Variants in GPR160 observed in about 807,000 individuals in gnomAD.
The protein encoded by GPR160 is G protein-coupled receptor 160.
Under a neutral mutation model 2.6 loss-of-function variants are expected in GPR160, and 2 were observed. The ratio of observed to expected loss-of-function variants is 0.77; its 90% CI spans 0.32 to 2.44. GPR160 has a LOEUF of 2.44. Ranked by LOEUF, GPR160 falls within the 30% of genes most tolerant of loss-of-function variation. The probability of loss-of-function intolerance (pLI) is 0.11; values close to 1 mark genes in which losing one functional copy is unlikely to be tolerated. For missense variants in GPR160, 351 were observed against 383.6 expected (o/e 0.91, Z 0.71); for synonymous variants, 130 against 132.2 (o/e 0.98, Z 0.12).
intron 2 of GPR160, among the ~76,000 whole-genome samples, chr3:170,052,036 C>CT (rs1475538974): frequency 6.6e-6 from 1 of 152,212 alleles, no homozygotes; most frequent in Non-Finnish European, 1.5e-5. Flanking sequence ...AGTGATTCCC[C>CT]TGCCTCAGCC....
intron 2 of GPR160, among the ~76,000 whole-genome samples, chr3:170,042,817 ACTCT>A (rs955247125): frequency 1.4e-5 from 2 of 139,776 alleles, no homozygotes; most frequent in African/African-American, 2.7e-5. Flanking sequence ...ATAGGGCAAG[ACTCT>A]CTCTCTTAAA....
At chr3:170,043,880 G>A (rs1028359397) in intron 2 of GPR160, among the ~76,000 whole-genome samples, 4 of 151,834 alleles carry the variant, frequency 2.6e-5, no homozygotes, top group Non-Finnish European at 5.9e-5. Context: ...CAATACTAGA[G>A]CAGCTGCCTC....
At chr3:170,067,133 T>A (rs946309143) in intron 2 of GPR160, among the ~76,000 whole-genome samples, 1 of 152,210 alleles carries the variant, frequency 6.6e-6, no homozygotes, top group African/African-American at 2.4e-5. Context: ...ACCTCCCAAG[T>A]AGCTGGGACT....
intron 2 of GPR160, among the ~76,000 whole-genome samples, chr3:170,079,077 A>AC (rs757713856): frequency 1.3e-5 from 2 of 152,218 alleles, no homozygotes; most frequent in African/African-American, 2.4e-5. Context: ...GAAAGGGGGG[A>AC]CAGTAATGTT....
chr3:170,065,512 A>T (rs1712279650), intron 2 of GPR160, among the ~76,000 whole-genome samples: 1 of 152,226 alleles, frequency 6.6e-6, no homozygotes, highest in Admixed American at 6.5e-5. Context: ...CCTGGACCGC[A>T]TGTATTGCTC....
chr3:170,041,571 C>T (rs1263424273), intron 2 of GPR160, among the ~76,000 whole-genome samples: 2 of 152,164 alleles, frequency 1.3e-5, no homozygotes, highest in Non-Finnish European at 2.9e-5. Context: ...TGAGCCATCG[C>T]GCCCGGCCGT....
intron 2 of GPR160, among the ~76,000 whole-genome samples, chr3:170,050,520 C>A (rs192967425): frequency 1.3e-5 from 2 of 152,004 alleles, no homozygotes; most frequent in South Asian, 4.1e-4. Flanking sequence ...AATTCTCCTG[C>A]CTCAGCCTCC....
At chr3:170,045,443 A>AAAAAAC (rs1559981277) in intron 2 of GPR160, among the ~76,000 whole-genome samples, 3 of 131,472 alleles carry the variant, frequency 2.3e-5, no homozygotes, top group African/African-American at 1.0e-4. Context: ...AAAAAAAAAA[A>AAAAAAC]AAAACCAATT....
At chr3:170,082,261 TATC>T (rs1713172064) in intron 3 of GPR160, among the ~76,000 whole-genome samples, 1 of 152,244 alleles carries the variant, frequency 6.6e-6, no homozygotes, top group Non-Finnish European at 1.5e-5. Flanking sequence ...TGTGAAAATT[TATC>T]ATGACATTAT....
At chr3:170,068,828 C>G (rs1434266631) in intron 2 of GPR160, among the ~76,000 whole-genome samples, 3 of 152,036 alleles carry the variant, frequency 2.0e-5, no homozygotes, top group African/African-American at 7.2e-5. Flanking sequence ...GTTTAACTTT[C>G]AATACTAGAG....
chr3:170,053,010 C>G (rs1717024848), intron 2 of GPR160, among the ~76,000 whole-genome samples: 1 of 152,088 alleles, frequency 6.6e-6, no homozygotes, highest in African/African-American at 2.4e-5. Flanking sequence ...TCTTATAAAT[C>G]AAGTGGACTG....
At chr3:170,066,295 C>T (rs917003081) in intron 2 of GPR160, among the ~76,000 whole-genome samples, 1 of 151,718 alleles carries the variant, frequency 6.6e-6, no homozygotes, top group Non-Finnish European at 1.5e-5. Context: ...CGCCCATCAC[C>T]ACGCCCGGCT....
intron 2 of GPR160, among the ~76,000 whole-genome samples, chr3:170,053,450 T>C (rs1212719522): frequency 6.6e-6 from 1 of 152,208 alleles, no homozygotes; most frequent in Non-Finnish European, 1.5e-5. Context: ...GTTTTAAAAA[T>C]TGACCTGTGA....
intron 2 of GPR160, among the ~76,000 whole-genome samples, chr3:170,045,029 T>C (rs1481274126): frequency 6.6e-6 from 1 of 152,182 alleles, no homozygotes; most frequent in African/African-American, 2.4e-5. Context: ...TCATGACAGT[T>C]GAAGTTTCTC....
At chr3:170,048,632 G>C (rs1394833455) in intron 2 of GPR160, among the ~76,000 whole-genome samples, 1 of 152,168 alleles carries the variant, frequency 6.6e-6, no homozygotes, top group African/African-American at 2.4e-5. Context: ...GTAAAAATAA[G>C]TACTGAGTCA....
intron 2 of GPR160, among the ~76,000 whole-genome samples, chr3:170,066,240 A>G (rs984431052): frequency 7.5e-6 from 1 of 133,884 alleles, no homozygotes; most frequent in African/African-American, 2.9e-5. Flanking sequence ...TCCCGGGTTC[A>G]CGCCATTCTC....
intron 2 of GPR160, among the ~76,000 whole-genome samples, chr3:170,071,067 C>A (rs544190019): frequency 6.8e-6 from 1 of 147,718 alleles, no homozygotes; most frequent in Non-Finnish European, 1.5e-5. Flanking sequence ...CATAGGGATT[C>A]GTTTTTCTGT....
intron 2 of GPR160, among the ~76,000 whole-genome samples, chr3:170,073,581 T>C (rs1458590351): frequency 6.6e-6 from 1 of 152,230 alleles, no homozygotes; most frequent in African/African-American, 2.4e-5. Context: ...ATTACATTGA[T>C]TGACTTTCTA....
intron 3 of GPR160, among the ~76,000 whole-genome samples, chr3:170,081,274 T>C (rs1389354827): frequency 6.6e-6 from 1 of 151,224 alleles, no homozygotes; most frequent in African/African-American, 2.4e-5. Flanking sequence ...CAATGGCATT[T>C]GTCAAGTTGG....
Sources: gnomAD v4.1 joint callset for allele counts (sites outside exome capture counted in the v4.1 genomes callset) on GRCh38, gnomAD v4.1.1 for gene constraint, MANE v1.5 for transcripts, NCBI Gene and HGNC (gene_info 2026-07-23, HGNC 2026-07-21) for gene names.